Variants in RAB3C observed in about 807,000 individuals in gnomAD.
RAB3C encodes RAB3C, member RAS oncogene family.
Under a neutral mutation model 26.4 loss-of-function variants are expected in RAB3C, and 17 were observed. The ratio of observed to expected loss-of-function variants is 0.64; its 90% CI spans 0.44 to 0.97. RAB3C has a LOEUF of 0.97. Among genes scored for constraint, RAB3C ranks in the 50% least tolerant of loss-of-function variants. RAB3C has a pLI of 0.00. For missense variants in RAB3C, 242 were observed against 281.9 expected (o/e 0.86, Z 1.01); for synonymous variants, 91 against 95.9 (o/e 0.95, Z 0.30).
intron 3 of RAB3C, among the ~76,000 whole-genome samples, chr5:58,743,675 G>A (rs1339438921): frequency 6.6e-6 from 1 of 151,978 alleles, no homozygotes; most frequent in African/African-American, 2.4e-5. Flanking sequence ...TTGATTGTCT[G>A]TTCCTGTGTT....
chr5:58,786,274 G>A (rs1742378392), intron 3 of RAB3C, among the ~76,000 whole-genome samples: 1 of 152,138 alleles, frequency 6.6e-6, no homozygotes, highest in African/African-American at 2.4e-5. Flanking sequence ...CCTTCCTGGG[G>A]TTTTGAAACT....
intron 4 of RAB3C, among the ~76,000 whole-genome samples, chr5:58,832,091 C>G (rs1195014222): frequency 1.3e-5 from 2 of 152,202 alleles, no homozygotes; most frequent in African/African-American, 4.8e-5. Flanking sequence ...TTCCACCCTT[C>G]ATGGTGGGGC....
intron 1 of RAB3C, among the ~76,000 whole-genome samples, chr5:58,615,524 T>A (rs192289396): frequency 1.6e-3 from 251 of 152,254 alleles, no homozygotes; most frequent in African/African-American, 5.9e-3. Context: ...CCAGAAATCA[T>A]CATGGCAAAA....
intron 2 of RAB3C, among the ~76,000 whole-genome samples, chr5:58,657,563 G>T (rs937840731): frequency 6.6e-6 from 1 of 152,120 alleles, no homozygotes; most frequent in Non-Finnish European, 1.5e-5. Context: ...TCACAGATCC[G>T]CAGGAAGGTC....
chr5:58,849,881 A>T (rs1744077814), intron 4 of RAB3C, among the ~76,000 whole-genome samples: 1 of 152,236 alleles, frequency 6.6e-6, no homozygotes, highest in Admixed American at 6.5e-5. Flanking sequence ...GCAAAATATT[A>T]ATCTGTTCTT....
chr5:58,644,539 A>T (rs933009345), intron 2 of RAB3C: 1 of 152,106 alleles, frequency 6.6e-6, no homozygotes, highest in South Asian at 2.1e-4. Flanking sequence ...TCCATTTTAG[A>T]CTGTAAAGTT....
At chr5:58,650,535 AT>A (rs1349244341) in intron 2 of RAB3C, among the ~76,000 whole-genome samples, 2 of 152,196 alleles carry the variant, frequency 1.3e-5, no homozygotes, top group Non-Finnish European at 2.9e-5. Context: ...ACCCCTCAGA[AT>A]TTCTGATACA....
intron 2 of RAB3C, among the ~76,000 whole-genome samples, chr5:58,651,525 T>C (rs1471470614): frequency 2.6e-5 from 4 of 152,232 alleles, no homozygotes; most frequent in African/African-American, 9.6e-5. Context: ...TGTTTGCACA[T>C]ATTTCTGATA....
chr5:58,642,697 T>C (rs1747434014), intron 2 of RAB3C, among the ~76,000 whole-genome samples: 1 of 152,216 alleles, frequency 6.6e-6, no homozygotes, highest in East Asian at 1.9e-4. Context: ...CCAAGAACAT[T>C]TTTAAAGTCA....
chr5:58,612,548 G>GTATATATATA (rs70973147), intron 1 of RAB3C, among the ~76,000 whole-genome samples: 83 of 80,348 alleles, frequency 1.0e-3, no homozygotes, highest in African/African-American at 3.7e-3. Flanking sequence ...ATATATATAT[G>GTATATATATA]TATATATATA....
chr5:58,700,500 T>G (rs1327602438), intron 2 of RAB3C, among the ~76,000 whole-genome samples: 1 of 152,172 alleles, frequency 6.6e-6, no homozygotes, highest in Non-Finnish European at 1.5e-5. Context: ...GAAACACAAT[T>G]AACTTATGGA....
chr5:58,608,353 C>A (rs1450926031), intron 1 of RAB3C, among the ~76,000 whole-genome samples: 7 of 152,044 alleles, frequency 4.6e-5, no homozygotes, highest in African/African-American at 1.4e-4. Context: ...AAGAAAAAAA[C>A]AACCCCATCA....
At chr5:58,609,281 G>A (rs1252777012) in intron 1 of RAB3C, among the ~76,000 whole-genome samples, 1 of 152,182 alleles carries the variant, frequency 6.6e-6, no homozygotes, top group Non-Finnish European at 1.5e-5. Context: ...CAGTCTTGGG[G>A]AGCCCCTTCA....
chr5:58,818,256 A>G (rs367619240), intron 3 of RAB3C, among the ~76,000 whole-genome samples: 44 of 152,326 alleles, frequency 2.9e-4, no homozygotes, highest in Admixed American at 6.5e-4. Flanking sequence ...ATATTGTAGA[A>G]ATGTGGTTTG....
chr5:58,750,814 CCTTG>C (rs1285617399), intron 3 of RAB3C, among the ~76,000 whole-genome samples: 1 of 152,026 alleles, frequency 6.6e-6, no homozygotes, highest in Non-Finnish European at 1.5e-5. Context: ...TTCCTTCCTT[CCTTG>C]CTTCCTTCCT....
intron 2 of RAB3C, among the ~76,000 whole-genome samples, chr5:58,718,510 A>G (rs1193900134): frequency 6.6e-6 from 1 of 152,082 alleles, no homozygotes; most frequent in African/African-American, 2.4e-5. Context: ...CCATGAAATA[A>G]TAGGTCAGGT....
chr5:58,731,765 A>G (rs1252302328), intron 3 of RAB3C, among the ~76,000 whole-genome samples: 1 of 152,154 alleles, frequency 6.6e-6, no homozygotes, highest in Non-Finnish European at 1.5e-5. Context: ...TTTCTCTTCT[A>G]TTGGTCCAAT....
At chr5:58,597,088 T>C (rs1162462784) in intron 1 of RAB3C, among the ~76,000 whole-genome samples, 1 of 81,754 alleles carries the variant, frequency 1.2e-5, no homozygotes, top group African/African-American at 5.0e-5. Flanking sequence ...TAATATATAA[T>C]ACATAATATA....
rs909673556 is a variant in RAB3C, at chr5:58,617,829, A to G, written c.211A>G (p.Thr71Ala). 5 of 1,612,532 alleles carry G rather than the reference A, an allele frequency of 3.1e-6. No homozygotes were observed. Among genetic ancestry groups the G allele is most frequent in the Non-Finnish European group, 4.2e-6 (5 of 1,179,032 alleles). Residue 71 changes from threonine (T) to alanine (A), a missense_variant, in exon 2 of 5, where the codon ACT becomes GCT. Coordinates refer to ENST00000282878, the MANE Select transcript of RAB3C (RefSeq NM_138453.4). ...STVGIDFKVK[T>A]VFKNEKRIKL... is the part of the protein sequence containing the mutation. ...AGTTGGGATCGATTTCAAAGTAAAA[A>G]CTGTATTCAAAAATGAAAAGAGAAT...
Sources: allele counts gnomAD v4.1 joint callset (sites outside exome capture counted in the v4.1 genomes callset), GRCh38; gene constraint gnomAD v4.1.1; transcripts MANE v1.5; gene names NCBI Gene and HGNC (gene_info 2026-07-23, HGNC 2026-07-21).